The following SEL1L2 variants were observed in gnomAD, a reference collection of about 807,000 sequenced individuals.
The protein encoded by SEL1L2 is SEL1L2 adaptor subunit of SYVN1 ubiquitin ligase.
In SEL1L2, 89 loss-of-function variants were observed where a neutral mutation model predicts 98.8. The ratio of observed to expected loss-of-function variants is 0.90; its 90% CI spans 0.76 to 1.07. SEL1L2 has a LOEUF of 1.07. Ranked by LOEUF, SEL1L2 falls within the 50% of genes least tolerant of loss-of-function variation. The pLI, the probability that SEL1L2 is intolerant of heterozygous loss-of-function variation, is 0.00. For synonymous variants in SEL1L2, 262 were observed against 278.5 expected, an observed-to-expected ratio of 0.94 and a Z score of 0.59; for missense variants, 788 against 812.0, an observed-to-expected ratio of 0.97 and a Z score of 0.36.
chr20:13,861,013 T>A (rs991559229), intron 17 of SEL1L2, among the ~76,000 whole-genome samples: 4 of 152,112 alleles, frequency 2.6e-5, no homozygotes, highest in Non-Finnish European at 5.9e-5. Context: ...ATCAGCCAAT[T>A]CATCAAGTCC....
At chr20:13,914,111 G>A (rs1244133925) in intron 4 of SEL1L2, among the ~76,000 whole-genome samples, 167 bp from the exon 5 acceptor site, 1 of 151,994 alleles carries the variant, frequency 6.6e-6, no homozygotes, top group Non-Finnish European at 1.5e-5. Flanking sequence ...CATTCCTAAA[G>A]CAGTCTAAGG....
intron 14 of SEL1L2, among the ~76,000 whole-genome samples, chr20:13,869,083 C>T (rs2046062511): frequency 6.6e-6 from 1 of 152,020 alleles, no homozygotes; most frequent in Non-Finnish European, 1.5e-5. Context: ...TTCAATACAG[C>T]ACGGAGGATC....
intron 3 of SEL1L2, among the ~76,000 whole-genome samples, chr20:13,922,254 T>C (rs2048697820): frequency 6.6e-6 from 1 of 152,230 alleles, no homozygotes; most frequent in African/African-American, 2.4e-5. Context: ...TTACCATTTC[T>C]CACAATATGA....
intron 1 of SEL1L2, among the ~76,000 whole-genome samples, chr20:13,957,130 TCTCA>T (rs1435407913): frequency 6.6e-6 from 1 of 151,412 alleles, no homozygotes; most frequent in East Asian, 1.9e-4. Context: ...GGACACAGAG[TCTCA>T]CTCTGTCACC....
intron 1 of SEL1L2, among the ~76,000 whole-genome samples, chr20:13,978,520 C>T (rs2051652236): frequency 6.6e-6 from 1 of 152,014 alleles, no homozygotes; most frequent in African/African-American, 2.4e-5. Context: ...TCTCAAAAAA[C>T]TAAAAATAGA....
At chr20:13,924,799 A>G (rs968531966) in intron 3 of SEL1L2, among the ~76,000 whole-genome samples, 1 of 152,036 alleles carries the variant, frequency 6.6e-6, no homozygotes, top group East Asian at 1.9e-4. Context: ...CCATTTTAAA[A>G]TATATTTATT....
chr20:13,880,511 C>G (rs1400832616), intron 10 of SEL1L2, among the ~76,000 whole-genome samples: 1 of 152,032 alleles, frequency 6.6e-6, no homozygotes, highest in Non-Finnish European at 1.5e-5. Flanking sequence ...TTATTAAACA[C>G]CACGTGAAAC....
intron 18 of SEL1L2, among the ~76,000 whole-genome samples, chr20:13,852,553 T>A (rs2147704169): frequency 6.6e-6 from 1 of 152,312 alleles, no homozygotes. Context: ...TGACCACAGT[T>A]CATTAAATGA....
At chr20:13,987,757 T>C (rs1440936570) in intron 1 of SEL1L2, among the ~76,000 whole-genome samples, 1 of 152,256 alleles carries the variant, frequency 6.6e-6, no homozygotes, top group African/African-American at 2.4e-5. Flanking sequence ...ATATCTTTCA[T>C]GTGCTTGGTC....
intron 19 of SEL1L2, among the ~76,000 whole-genome samples, chr20:13,849,811 C>T (rs1987925132): frequency 6.6e-6 from 1 of 152,304 alleles, no homozygotes; most frequent in Admixed American, 6.5e-5. Context: ...AAGATTTAGA[C>T]ACTTTACTTT....
intron 12 of SEL1L2, among the ~76,000 whole-genome samples, chr20:13,872,044 A>G (rs537031175): frequency 2.0e-4 from 31 of 152,310 alleles, no homozygotes; most frequent in East Asian, 1.5e-3. Context: ...ATCATATGAA[A>G]TGATCTGCTA....
chr20:13,934,510 C>T (rs1234866462), intron 2 of SEL1L2, among the ~76,000 whole-genome samples: 2 of 83,446 alleles, frequency 2.4e-5, no homozygotes, highest in Non-Finnish European at 4.6e-5. Context: ...TTTATCTGCT[C>T]GTAGATTGAT....
intron 5 of SEL1L2, among the ~76,000 whole-genome samples, chr20:13,908,103 CTTTTTTTTTTTTTTTTTTTTT>C (rs71188195): frequency 1.9e-4 from 5 of 26,724 alleles, no homozygotes; most frequent in Non-Finnish European, 3.1e-4. Flanking sequence ...TTTCTTGGTT[CTTTTTTTTTTTTTTTTTTTTT>C]TTTTTTTTTT....
chr20:13,869,946 A>G (rs1186192070), intron 13 of SEL1L2, among the ~76,000 whole-genome samples, 195 bp downstream of exon 13: 1 of 152,194 alleles, frequency 6.6e-6, no homozygotes, highest in Non-Finnish European at 1.5e-5. Flanking sequence ...AATTAGAATT[A>G]CTATTCTTGT....
intron 1 of SEL1L2, among the ~76,000 whole-genome samples, chr20:13,961,882 A>C (rs992722727): frequency 6.6e-6 from 1 of 152,184 alleles, no homozygotes; most frequent in Non-Finnish European, 1.5e-5. Flanking sequence ...TGACTAGTAT[A>C]TCTCTCCTTT....
At chr20:13,918,390 G>C (rs1413544836) in intron 4 of SEL1L2, among the ~76,000 whole-genome samples, 1 of 152,186 alleles carries the variant, frequency 6.6e-6, no homozygotes, top group Non-Finnish European at 1.5e-5. Context: ...GGAGTGGAGG[G>C]AGAAGATATT....
At chr20:13,929,788 C>T (rs567507656) in intron 3 of SEL1L2, among the ~76,000 whole-genome samples, 2 of 146,462 alleles carry the variant, frequency 1.4e-5, no homozygotes, top group Admixed American at 6.9e-5. Context: ...GAGTGAGCCA[C>T]GTGCCCGGCC....
intron 5 of SEL1L2, among the ~76,000 whole-genome samples, chr20:13,905,404 C>T (rs2047879248): frequency 6.6e-6 from 1 of 151,300 alleles, no homozygotes; most frequent in Non-Finnish European, 1.5e-5. Flanking sequence ...AGCTCCACCT[C>T]CCAGGTTCAT....
intron 5 of SEL1L2, among the ~76,000 whole-genome samples, chr20:13,895,529 A>G (rs1461978238): frequency 3.9e-5 from 6 of 152,218 alleles, no homozygotes; most frequent in Admixed American, 2.0e-4. Flanking sequence ...ATGGATAAAA[A>G]ATATTTGAAA....
Sources: allele counts gnomAD v4.1 joint callset (sites outside exome capture counted in the v4.1 genomes callset), GRCh38; gene constraint gnomAD v4.1.1; transcripts MANE v1.5; gene names NCBI Gene and HGNC (gene_info 2026-07-23, HGNC 2026-07-21).